Variants in MAF observed in about 807,000 individuals in gnomAD.
MAF encodes the protein transcription factor Maf.
MAF carries 10 observed loss-of-function variants against 22.0 expected under a neutral mutation model. The ratio of observed to expected loss-of-function variants is 0.45; its 90% CI spans 0.28 to 0.77. The LOEUF (loss-of-function observed/expected upper bound fraction) is 0.77, where lower values mean the gene tolerates loss of function less well. Ranked by LOEUF, MAF falls within the 30% of genes least tolerant of loss-of-function variation. The pLI is 0.12. For missense variants in MAF, 544 were observed against 548.4 expected (o/e 0.99, Z 0.08); for synonymous variants, 337 against 255.8 (o/e 1.32, Z -3.03).
chr16:79,394,677 C>T, the MAF span, among the ~76,000 whole-genome samples: 2 of 152,132 alleles, frequency 1.3e-5, no homozygotes, highest in Non-Finnish European at 2.9e-5. Context: ...GATTCTCCAA[C>T]TTGGCTGCAC....
At chr16:79,379,476 G>C in the MAF span, among the ~76,000 whole-genome samples, 5 of 150,192 alleles carry the variant, frequency 3.3e-5, no homozygotes, top group African/African-American at 1.2e-4. Context: ...AGCAGAAGTA[G>C]TACGGCTCTT....
the MAF span, among the ~76,000 whole-genome samples, chr16:79,445,899 T>A: frequency 6.6e-6 from 1 of 152,226 alleles, no homozygotes. Flanking sequence ...ACCATTCTTT[T>A]GAGCAGACCA....
At chr16:79,222,211 C>A in the MAF span, among the ~76,000 whole-genome samples, 32 of 152,236 alleles carry the variant, frequency 2.1e-4, no homozygotes, top group African/African-American at 7.5e-4. Flanking sequence ...GAATTTTCAA[C>A]CCAGGATTTC....
chr16:79,436,436 T>C, the MAF span, among the ~76,000 whole-genome samples: 1 of 152,358 alleles, frequency 6.6e-6, no homozygotes, highest in East Asian at 1.9e-4. Context: ...GCAAAACACC[T>C]ACTGTGCATC....
the MAF span, among the ~76,000 whole-genome samples, chr16:79,419,249 G>A: frequency 1.3e-5 from 2 of 152,146 alleles, no homozygotes; most frequent in African/African-American, 2.4e-5. Flanking sequence ...TCCCATAGAG[G>A]GAGGATTTGA....
At chr16:79,436,188 T>C in the MAF span, among the ~76,000 whole-genome samples, 1 of 152,158 alleles carries the variant, frequency 6.6e-6, no homozygotes, top group African/African-American at 2.4e-5. Context: ...GTTCAAACAA[T>C]TCTCATGCCT....
At chr16:79,388,563 C>G in the MAF span, among the ~76,000 whole-genome samples, 1 of 152,304 alleles carries the variant, frequency 6.6e-6, no homozygotes, top group East Asian at 1.9e-4. Flanking sequence ...ATGTGCTTAT[C>G]AAAAGCAGTG....
At chr16:79,513,565 TGAA>T in the MAF span, among the ~76,000 whole-genome samples, 4,211 of 152,302 alleles carry the variant, frequency 0.028, 121 homozygotes, top group African/African-American at 0.079. Flanking sequence ...GCAGTGTTTC[TGAA>T]GTCAAACAGC....
chr16:79,405,782 CAG>C, the MAF span, among the ~76,000 whole-genome samples: 4,312 of 152,312 alleles, frequency 0.028, 132 homozygotes, highest in African/African-American at 0.072. Flanking sequence ...GTCCTCAAAA[CAG>C]TGCAAAGAGA....
chr16:79,441,876 T>A, the MAF span, among the ~76,000 whole-genome samples: 1 of 152,202 alleles, frequency 6.6e-6, no homozygotes, highest in African/African-American at 2.4e-5. Context: ...ATCCTGAATT[T>A]AGGGTGGGCC....
At chr16:79,424,968 C>A in the MAF span, among the ~76,000 whole-genome samples, 1 of 152,100 alleles carries the variant, frequency 6.6e-6, no homozygotes, top group Non-Finnish European at 1.5e-5. Flanking sequence ...AGAAAGGACA[C>A]TGCTTCCCCT....
the MAF span, among the ~76,000 whole-genome samples, chr16:79,331,829 C>T: frequency 6.6e-6 from 1 of 152,194 alleles, no homozygotes; most frequent in South Asian, 2.1e-4. Context: ...CTAGAATGCT[C>T]CTCCTCAGAT....
At chr16:79,521,561 C>A in the MAF span, among the ~76,000 whole-genome samples, 2 of 152,164 alleles carry the variant, frequency 1.3e-5, no homozygotes, top group African/African-American at 4.8e-5. Context: ...TCTCCCTGAA[C>A]AAGACCCTCC....
chr16:79,551,281 C>A, the MAF span, among the ~76,000 whole-genome samples: 18 of 152,162 alleles, frequency 1.2e-4, no homozygotes, highest in South Asian at 2.5e-3. Context: ...ATCAGAAAGC[C>A]AAGCAGGAAG....
chr16:79,442,501 T>C, the MAF span, among the ~76,000 whole-genome samples: 8 of 151,662 alleles, frequency 5.3e-5, no homozygotes, highest in Non-Finnish European at 7.4e-5. Flanking sequence ...CACCCCAAAA[T>C]GCTAGTATTA....
At chr16:79,346,241 A>G in the MAF span, among the ~76,000 whole-genome samples, 1 of 138,112 alleles carries the variant, frequency 7.2e-6, no homozygotes, top group Non-Finnish European at 1.5e-5. Flanking sequence ...AAGTGTTCTC[A>G]CTGTTCAATT....
chr16:79,485,054 T>C, the MAF span, among the ~76,000 whole-genome samples: 1 of 152,196 alleles, frequency 6.6e-6, no homozygotes, highest in Non-Finnish European at 1.5e-5. Flanking sequence ...ATTGCCTGAT[T>C]AGACTTTTAT....
the MAF span, among the ~76,000 whole-genome samples, chr16:79,234,794 G>A: frequency 6.6e-6 from 1 of 152,106 alleles, no homozygotes; most frequent in Non-Finnish European, 1.5e-5. Flanking sequence ...TGCCTGAGGT[G>A]GGTAGGATCT....
At chr16:79,396,763 T>A in the MAF span, among the ~76,000 whole-genome samples, 4 of 152,348 alleles carry the variant, frequency 2.6e-5, no homozygotes, top group Admixed American at 2.6e-4. Flanking sequence ...CCAGACACTC[T>A]AATTTATTAG....
Sources: allele counts gnomAD v4.1 joint callset (sites outside exome capture counted in the v4.1 genomes callset), GRCh38; gene constraint gnomAD v4.1.1; transcripts MANE v1.5; gene names NCBI Gene and HGNC (gene_info 2026-07-23, HGNC 2026-07-21).